UNC13C: variants seen among roughly 807,000 people sequenced by gnomAD.
The protein encoded by UNC13C is unc-13 homolog C.
In UNC13C, 174 loss-of-function variants were observed where a neutral mutation model predicts 245.4. The observed-to-expected ratio is 0.71, with a 90% CI of 0.63 to 0.80. The LOEUF (loss-of-function observed/expected upper bound fraction) is 0.80. Among genes scored for constraint, UNC13C ranks in the 30% least tolerant of loss-of-function variants. The pLI, the probability that UNC13C is intolerant of heterozygous loss-of-function variation, is 0.00. For synonymous variants in UNC13C, 992 were observed against 895.1 expected, an observed-to-expected ratio of 1.11 and a Z score of -1.93; for missense variants, 2,829 against 2,602.9, an observed-to-expected ratio of 1.09 and a Z score of -1.89.
chr15:53,862,289 G>A, the UNC13C span, among the ~76,000 whole-genome samples: 1 of 152,066 alleles, frequency 6.6e-6, no homozygotes, highest in African/African-American at 2.4e-5. Context: ...GTTACAGGGA[G>A]AAAGTCAGAG....
At chr15:54,001,039 A>G (rs904299453) in intron 1 of UNC13C, among the ~76,000 whole-genome samples, 6 of 152,190 alleles carry the variant, frequency 3.9e-5, no homozygotes, top group South Asian at 2.1e-4. Flanking sequence ...GATTTGTATT[A>G]AGGACAAGAT....
intron 17 of UNC13C, among the ~76,000 whole-genome samples, chr15:54,374,401 C>A (rs752504522): frequency 3.3e-5 from 5 of 152,158 alleles, no homozygotes; most frequent in Non-Finnish European, 7.4e-5. Context: ...CCCGGCCTCC[C>A]TCTCATGCCC....
At chr15:54,475,129 T>C (rs552412506) in intron 19 of UNC13C, among the ~76,000 whole-genome samples, 3 of 152,040 alleles carry the variant, frequency 2.0e-5, no homozygotes, top group Admixed American at 1.3e-4. Context: ...GTTTTTTCTT[T>C]TGTTGCCTGT....
At chr15:54,486,371 G>A (rs1893409618) in intron 19 of UNC13C, among the ~76,000 whole-genome samples, 1 of 151,086 alleles carries the variant, frequency 6.6e-6, no homozygotes, top group Admixed American at 6.6e-5. Context: ...CCCAGGAGGT[G>A]GAGGCTGCAG....
chr15:54,234,449 C>G (rs949811999), intron 4 of UNC13C, among the ~76,000 whole-genome samples: 2 of 152,012 alleles, frequency 1.3e-5, no homozygotes, highest in African/African-American at 4.8e-5. Flanking sequence ...TTTAAAGATG[C>G]AATAAACATC....
At chr15:53,917,801 A>G in the UNC13C span, among the ~76,000 whole-genome samples, 1 of 152,142 alleles carries the variant, frequency 6.6e-6, no homozygotes, top group Non-Finnish European at 1.5e-5. Context: ...AGACTATGTA[A>G]AATTCTTTGT....
At chr15:54,383,026 A>T (rs1477176549) in intron 17 of UNC13C, among the ~76,000 whole-genome samples, 1 of 152,198 alleles carries the variant, frequency 6.6e-6, no homozygotes, top group Non-Finnish European at 1.5e-5. Flanking sequence ...CAGGCCAATA[A>T]TGAGGAGCAA....
chr15:54,505,684 T>C (rs566807), intron 22 of UNC13C, among the ~76,000 whole-genome samples: 20,843 of 151,514 alleles, frequency 0.14, 1,479 homozygotes, highest in Non-Finnish European at 0.15. Context: ...TTAGTAAAGA[T>C]GGGAGTTATT....
At chr15:54,422,155 G>C (rs1351725698) in intron 19 of UNC13C, among the ~76,000 whole-genome samples, 1 of 151,832 alleles carries the variant, frequency 6.6e-6, no homozygotes, top group African/African-American at 2.4e-5. Context: ...CATTATCTTT[G>C]ATTCCTTATT....
At chr15:54,538,128 A>AG (rs1896066694) in intron 26 of UNC13C, among the ~76,000 whole-genome samples, 1 of 136,474 alleles carries the variant, frequency 7.3e-6, no homozygotes, top group Admixed American at 7.2e-5. Flanking sequence ...AAATACATTA[A>AG]CAAGCAAAAA....
upstream of UNC13C, among the ~76,000 whole-genome samples, chr15:53,976,477 C>CTTTTTTTTTTTTTT (rs10682648): frequency 0.042 from 2,615 of 62,644 alleles, 480 homozygotes; most frequent in Non-Finnish European, 0.058. Flanking sequence ...CTCTCTCTCT[C>CTTTTTTTTTTTTTT]TTTTTTTTTT....
In UNC13C at chr15:54,549,638, C is replaced by A; in HGVS notation, c.5824C>A (p.Pro1942Thr). Residue 1942 changes from proline (P) to threonine (T), a missense_variant, in exon 28 of 33, where the codon CCC becomes ACC. Coordinates refer to ENST00000260323, the MANE Select transcript of UNC13C (RefSeq NM_001080534.3). ...CTCACTTTTTCTTTGTTTCTAGGGACCCCAGATGATTTTCATTGCAGCTAA... is the reference window on the plus strand; with the variant it reads ...CTCACTTTTTCTTTGTTTCTAGGGAACCCAGATGATTTTCATTGCAGCTAA... Reference protein sequence around the residue: ...VLPPLTDQTGPQMIFIAAKDL... With the variant: ...VLPPLTDQTGTQMIFIAAKDL... 6.2e-7 allele frequency: 1 copy of A among 1,603,384 alleles called. No individual in the cohort carries two copies. The highest frequency in any genetic ancestry group is 1.7e-5 in the Admixed American group (1 of 58,378).
intron 13 of UNC13C, 23 bp downstream of exon 13, chr15:54,300,396 A>G (rs2037548342): frequency 1.3e-6 from 2 of 1,547,894 alleles, no homozygotes; most frequent in African/African-American, 1.4e-5. Flanking sequence ...GAACATTTAC[A>G]TGGTCAATAT....
the UNC13C span, among the ~76,000 whole-genome samples, chr15:53,858,329 TG>T: frequency 6.6e-6 from 1 of 152,178 alleles, no homozygotes; most frequent in South Asian, 2.1e-4. Flanking sequence ...TTTAGTATTT[TG>T]ACATGATATA....
chr15:54,187,212 G>C (rs2034022013), intron 4 of UNC13C, among the ~76,000 whole-genome samples: 1 of 151,972 alleles, frequency 6.6e-6, no homozygotes, highest in South Asian at 2.1e-4. Flanking sequence ...AATATCTCCT[G>C]AATCTCTCCT....
chr15:54,314,421 T>C (rs1482471838), intron 13 of UNC13C, among the ~76,000 whole-genome samples: 1 of 138,942 alleles, frequency 7.2e-6, no homozygotes, highest in Non-Finnish European at 1.5e-5. Flanking sequence ...ACATGTAATT[T>C]TTATTTGTCA....
chr15:54,456,595 TTTA>T (rs1891545667), intron 19 of UNC13C, among the ~76,000 whole-genome samples: 1 of 64,618 alleles, frequency 1.5e-5, no homozygotes, highest in Non-Finnish European at 3.5e-5. Flanking sequence ...ATGTATTTTA[TTTA>T]TTTATTTATT....
chr15:54,606,900 G>A lies in UNC13C; in HGVS notation c.6107-15427G>A, dbSNP rs553980637. Among the ~76,000 whole-genome samples the A allele has an allele frequency of 6.6e-5, 10 of 152,160 alleles. No homozygotes were observed. The East Asian group carries it at 9.7e-4, about 15-fold the overall frequency. ...GTCCTTAGAGAGCTTACAATTTACC[G>A]AATTGGAAATATATGTATTTTGTAT... On this transcript the variant is annotated intron_variant, in intron 30 of 32. Transcript: ENST00000260323.
At chr15:54,460,365 T>A (rs965498101) in intron 19 of UNC13C, among the ~76,000 whole-genome samples, 5 of 152,248 alleles carry the variant, frequency 3.3e-5, no homozygotes, top group Admixed American at 2.6e-4. Flanking sequence ...TTTTCTTGAA[T>A]GCTGGTTATG....
Sources: allele counts gnomAD v4.1 joint callset (sites outside exome capture counted in the v4.1 genomes callset), GRCh38; gene constraint gnomAD v4.1.1; transcripts MANE v1.5; gene names NCBI Gene and HGNC (gene_info 2026-07-23, HGNC 2026-07-21).